The following SFMBT2 variants were observed in gnomAD, a reference collection of about 807,000 sequenced individuals.
The protein encoded by SFMBT2 is scm-like with four MBT domains protein 2.
In SFMBT2, 38 loss-of-function variants were observed where a neutral mutation model predicts 110.1. The ratio of observed to expected loss-of-function variants is 0.35; its 90% CI spans 0.27 to 0.45. SFMBT2 has a LOEUF of 0.45. SFMBT2 is among the 20% of genes least tolerant of loss of function. The pLI is 1.00. For synonymous variants in SFMBT2, 425 were observed against 425.4 expected, an observed-to-expected ratio of 1.00 and a Z score of 0.01; for missense variants, 1,011 against 1,094.9, an observed-to-expected ratio of 0.92 and a Z score of 1.08.
At chr10:7,278,168 T>C (rs937470943) in intron 6 of SFMBT2, among the ~76,000 whole-genome samples, 3 of 152,218 alleles carry the variant, frequency 2.0e-5, no homozygotes, top group African/African-American at 7.2e-5. Flanking sequence ...TTCTTCTAGT[T>C]TGGCCTTTCT....
chr10:7,362,358 T>G (rs1049120315), intron 4 of SFMBT2, among the ~76,000 whole-genome samples: 12 of 152,166 alleles, frequency 7.9e-5, no homozygotes, highest in Non-Finnish European at 1.5e-4. Flanking sequence ...CTTGTACCAT[T>G]TCACAGACTA....
At chr10:7,363,693 T>C (rs930464189) in intron 4 of SFMBT2, among the ~76,000 whole-genome samples, 2 of 152,150 alleles carry the variant, frequency 1.3e-5, no homozygotes, top group African/African-American at 4.8e-5. Context: ...ATGTCTTTAT[T>C]AGCAGTGTGA....
At chr10:7,216,177 G>T (rs1377832189) in intron 11 of SFMBT2, among the ~76,000 whole-genome samples, 1 of 152,220 alleles carries the variant, frequency 6.6e-6, no homozygotes, top group Admixed American at 6.5e-5. Flanking sequence ...TGTGACTGCA[G>T]CCGACCCCGC....
chr10:7,279,268 C>T (rs1171409552), intron 6 of SFMBT2, among the ~76,000 whole-genome samples: 1 of 152,160 alleles, frequency 6.6e-6, no homozygotes, highest in Admixed American at 6.5e-5. Flanking sequence ...ATGAACTCCT[C>T]TGTCCACTGG....
chr10:7,241,273 G>A (rs1440194948), intron 9 of SFMBT2: 3 of 924,200 alleles, frequency 3.2e-6, no homozygotes, highest in Admixed American at 6.2e-5. Context: ...ATGTCTTTAT[G>A]AGCAGCATGA....
chr10:7,264,425 G>C (rs1053550273), intron 7 of SFMBT2, among the ~76,000 whole-genome samples: 1 of 152,146 alleles, frequency 6.6e-6, no homozygotes, highest in Admixed American at 6.5e-5. Context: ...GGTATTTTAC[G>C]GAAGTACTTA....
chr10:7,334,610 G>C (rs1294810611), intron 4 of SFMBT2, among the ~76,000 whole-genome samples: 1 of 152,156 alleles, frequency 6.6e-6, no homozygotes, highest in Non-Finnish European at 1.5e-5. Context: ...AGCGGGACCT[G>C]TCACCGATAC....
At chr10:7,341,659 T>C (rs1031890560) in intron 4 of SFMBT2, among the ~76,000 whole-genome samples, 2 of 152,218 alleles carry the variant, frequency 1.3e-5, no homozygotes, top group African/African-American at 4.8e-5. Flanking sequence ...GCAATTATTC[T>C]ACACACACAT....
intron 17 of SFMBT2, among the ~76,000 whole-genome samples, chr10:7,175,144 C>T (rs775631818): frequency 1.3e-4 from 20 of 152,206 alleles, no homozygotes; most frequent in Non-Finnish European, 1.9e-4. Context: ...CTGGCTGGAA[C>T]GTGGCTGGCA....
At chr10:7,320,131 A>T (rs1035245537) in intron 4 of SFMBT2, among the ~76,000 whole-genome samples, 2 of 152,250 alleles carry the variant, frequency 1.3e-5, no homozygotes, top group Non-Finnish European at 2.9e-5. Context: ...TCAAAGCTTG[A>T]CAACGCCAAC....
chr10:7,277,725 C>A (rs970156891), intron 6 of SFMBT2, among the ~76,000 whole-genome samples: 1 of 152,112 alleles, frequency 6.6e-6, no homozygotes, highest in Admixed American at 6.5e-5. Context: ...GATTTAAGAC[C>A]TTATCAAAAT....
intron 6 of SFMBT2, among the ~76,000 whole-genome samples, chr10:7,278,152 A>G (rs575727747): frequency 1.3e-5 from 2 of 152,274 alleles, no homozygotes; most frequent in Admixed American, 1.3e-4. Flanking sequence ...TGTCTGCTGA[A>G]CTTTTTTCTT....
intron 7 of SFMBT2, among the ~76,000 whole-genome samples, chr10:7,273,601 C>T (rs760332434): frequency 3.3e-4 from 50 of 152,166 alleles, no homozygotes; most frequent in African/African-American, 1.2e-3. Flanking sequence ...TTAGGTGTAT[C>T]TCCTAATGCT....
At chr10:7,379,722 T>G (rs2132078420) in intron 2 of SFMBT2, among the ~76,000 whole-genome samples, 1 of 152,362 alleles carries the variant, frequency 6.6e-6, no homozygotes, top group East Asian at 1.9e-4. Flanking sequence ...ATTAAAGATC[T>G]GAACATCCTG....
chr10:7,168,229 C>T (rs1837755478), intron 20 of SFMBT2, among the ~76,000 whole-genome samples: 1 of 152,154 alleles, frequency 6.6e-6, no homozygotes, highest in South Asian at 2.1e-4. Context: ...AGGCTTTTCC[C>T]CATACCAGCT....
chr10:7,204,168 G>C (rs1013333617), intron 12 of SFMBT2: 2 of 237,550 alleles, frequency 8.4e-6, no homozygotes, highest in Non-Finnish European at 1.4e-5. Context: ...TTTAGGAAAA[G>C]GAGAATCCCA....
chr10:7,371,185 G>A (rs1845055101), intron 2 of SFMBT2, among the ~76,000 whole-genome samples: 1 of 152,130 alleles, frequency 6.6e-6, no homozygotes, highest in African/African-American at 2.4e-5. Context: ...GTGCAGTGGT[G>A]CAATCTCGGC....
At chr10:7,354,994 C>T (rs1287652072) in intron 4 of SFMBT2, among the ~76,000 whole-genome samples, 2 of 152,128 alleles carry the variant, frequency 1.3e-5, no homozygotes, top group African/African-American at 2.4e-5. Context: ...TTCCTTTCAG[C>T]AAAATTAACT....
intron 1 of SFMBT2, among the ~76,000 whole-genome samples, chr10:7,388,328 AT>A (rs2132097854): frequency 8.1e-6 from 1 of 124,072 alleles, no homozygotes; most frequent in Admixed American, 7.6e-5. Flanking sequence ...ACAAAGAAGG[AT>A]GATGATGATG....
Sources: gnomAD v4.1 joint callset for allele counts (sites outside exome capture counted in the v4.1 genomes callset) on GRCh38, gnomAD v4.1.1 for gene constraint, MANE v1.5 for transcripts, NCBI Gene and HGNC (gene_info 2026-07-23, HGNC 2026-07-21) for gene names.